LRRC4C: variants seen among roughly 807,000 people sequenced by gnomAD.
LRRC4C encodes the protein leucine-rich repeat-containing protein 4C.
LRRC4C carries 5 observed loss-of-function variants against 33.6 expected under a neutral mutation model. The observed-to-expected ratio is 0.15, with a 90% CI of 0.08 to 0.31. LRRC4C has a LOEUF of 0.31. Among genes scored for constraint, LRRC4C ranks in the 10% least tolerant of loss-of-function variants. LRRC4C has a pLI of 1.00. For synonymous variants in LRRC4C, 329 were observed against 302.0 expected, an observed-to-expected ratio of 1.09 and a Z score of -0.93; for missense variants, 560 against 796.7, an observed-to-expected ratio of 0.70 and a Z score of 3.58.
At chr11:40,761,775 G>T (rs376748039) in intron 2 of LRRC4C, among the ~76,000 whole-genome samples, 8 of 152,214 alleles carry the variant, frequency 5.3e-5, no homozygotes, top group African/African-American at 1.9e-4. Context: ...CTTAAGGTGA[G>T]GCATCAGGGA....
intron 2 of LRRC4C, among the ~76,000 whole-genome samples, chr11:40,717,991 T>C (rs1347816833): frequency 2.0e-5 from 3 of 152,208 alleles, no homozygotes; most frequent in Non-Finnish European, 4.4e-5. Context: ...TGTGCATGTG[T>C]GTGTATGTCT....
At chr11:40,367,523 C>T (rs1444198752) in intron 3 of LRRC4C, among the ~76,000 whole-genome samples, 1 of 152,008 alleles carries the variant, frequency 6.6e-6, no homozygotes, top group Non-Finnish European at 1.5e-5. Context: ...ATGGAGGCCA[C>T]ACTGACAATC....
chr11:40,984,477 A>G (rs1852845788), intron 1 of LRRC4C, among the ~76,000 whole-genome samples: 1 of 152,198 alleles, frequency 6.6e-6, no homozygotes, highest in Non-Finnish European at 1.5e-5. Context: ...TTGAGCAGGT[A>G]ATAGTTAAAC....
chr11:40,663,305 A>C (rs1282110388), intron 2 of LRRC4C, among the ~76,000 whole-genome samples: 1 of 151,622 alleles, frequency 6.6e-6, no homozygotes, highest in Non-Finnish European at 1.5e-5. Context: ...CTGGTTTCGA[A>C]CTCCTAACCT....
At chr11:40,414,946 C>T (rs962500533) in intron 3 of LRRC4C, among the ~76,000 whole-genome samples, 3 of 152,110 alleles carry the variant, frequency 2.0e-5, no homozygotes, top group African/African-American at 7.2e-5. Flanking sequence ...AAACTACTTA[C>T]AAATTCTAAT....
intron 1 of LRRC4C, among the ~76,000 whole-genome samples, chr11:41,287,875 C>A (rs1314177724): frequency 6.6e-6 from 1 of 152,134 alleles, no homozygotes; most frequent in Non-Finnish European, 1.5e-5. Context: ...TTGAATACTT[C>A]TTATTAGTGG....
intron 3 of LRRC4C, among the ~76,000 whole-genome samples, chr11:40,415,753 C>T (rs1950303261): frequency 6.6e-6 from 1 of 152,054 alleles, no homozygotes; most frequent in Admixed American, 6.6e-5. Context: ...ATAGGTTAAC[C>T]CATAGTTCCT....
chr11:40,782,838 G>A (rs1220262290), intron 2 of LRRC4C, among the ~76,000 whole-genome samples: 4 of 151,710 alleles, frequency 2.6e-5, no homozygotes. Context: ...ATACATATAT[G>A]TGTGTGTATA....
chr11:41,243,758 A>C (rs1031247198), intron 1 of LRRC4C, among the ~76,000 whole-genome samples: 4 of 152,132 alleles, frequency 2.6e-5, no homozygotes, highest in Non-Finnish European at 4.4e-5. Flanking sequence ...TTCTGAAAGA[A>C]TTTGGAGAGC....
intron 3 of LRRC4C, among the ~76,000 whole-genome samples, chr11:40,536,406 A>C (rs1351705903): frequency 6.6e-6 from 1 of 152,012 alleles, no homozygotes; most frequent in African/African-American, 2.4e-5. Flanking sequence ...GTTGGCCAGG[A>C]TGGTCTAAAT....
intron 5 of LRRC4C, among the ~76,000 whole-genome samples, chr11:40,204,403 A>T (rs1862993062): frequency 6.6e-6 from 1 of 151,910 alleles, no homozygotes; most frequent in Non-Finnish European, 1.5e-5. Context: ...TCCTTATAGC[A>T]TTTACTTTAG....
chr11:41,218,253 C>T (rs747584018), intron 1 of LRRC4C, among the ~76,000 whole-genome samples: 2 of 151,798 alleles, frequency 1.3e-5, no homozygotes, highest in South Asian at 4.1e-4. Flanking sequence ...AATAAGTGAA[C>T]AATCCTTGTC....
At chr11:40,323,211 A>G (rs533375536) in intron 3 of LRRC4C, among the ~76,000 whole-genome samples, 6 of 152,228 alleles carry the variant, frequency 3.9e-5, no homozygotes, top group Non-Finnish European at 7.3e-5. Context: ...ACATGACAAA[A>G]AAGGTGAAAG....
chr11:40,277,432 C>T (rs1943190668), intron 4 of LRRC4C, among the ~76,000 whole-genome samples: 1 of 151,730 alleles, frequency 6.6e-6, no homozygotes, highest in South Asian at 2.1e-4. Context: ...AACAGGTTGT[C>T]GAACTGAGAA....
chr11:41,252,377 C>G (rs908442858), intron 1 of LRRC4C, among the ~76,000 whole-genome samples: 5 of 152,044 alleles, frequency 3.3e-5, no homozygotes, highest in African/African-American at 9.7e-5. Context: ...CATTTCTGAG[C>G]TATCAAACTG....
intron 1 of LRRC4C, among the ~76,000 whole-genome samples, chr11:41,325,982 A>T (rs1269455190): frequency 6.6e-6 from 1 of 152,154 alleles, no homozygotes; most frequent in Non-Finnish European, 1.5e-5. Flanking sequence ...TATGTAACAA[A>T]CTGTGATGGT....
intron 1 of LRRC4C, among the ~76,000 whole-genome samples, chr11:41,143,164 TACA>T (rs773890280): frequency 6.6e-6 from 1 of 151,464 alleles, no homozygotes; most frequent in East Asian, 1.9e-4. Context: ...CAATGCAGAA[TACA>T]ACAAGTTTCA....
chr11:40,237,163 T>C (rs1865622108), intron 5 of LRRC4C, among the ~76,000 whole-genome samples: 1 of 152,202 alleles, frequency 6.6e-6, no homozygotes, highest in African/African-American at 2.4e-5. Context: ...AAAAATATTA[T>C]TGCCACCATA....
chr11:40,513,600 G>T (rs1355524275), intron 3 of LRRC4C, among the ~76,000 whole-genome samples: 2 of 152,120 alleles, frequency 1.3e-5, no homozygotes, highest in African/African-American at 4.8e-5. Context: ...AAAATTAAGG[G>T]CCAGGGCAGG....
Sources: gnomAD v4.1 joint callset for allele counts (sites outside exome capture counted in the v4.1 genomes callset) on GRCh38, gnomAD v4.1.1 for gene constraint, MANE v1.5 for transcripts, NCBI Gene and HGNC (gene_info 2026-07-23, HGNC 2026-07-21) for gene names.